The following ATRIP variants were observed in gnomAD, a reference collection of about 807,000 sequenced individuals.
ATRIP encodes ATR interacting protein, also known as ATR-interacting protein.
ATRIP carries 44 observed loss-of-function variants against 78.1 expected under a neutral mutation model. That is an observed-to-expected ratio of 0.56 (90% CI 0.44 to 0.72). The LOEUF (loss-of-function observed/expected upper bound fraction) is 0.72, where lower values mean the gene tolerates loss of function less well. Among genes scored for constraint, ATRIP ranks in the 30% least tolerant of loss-of-function variants. ATRIP has a pLI of 0.00. For synonymous variants in ATRIP, 388 were observed against 408.9 expected (o/e 0.95, Z 0.62); for missense variants, 927 against 980.2 (o/e 0.95, Z 0.72).
intron 4 of ATRIP, 60 bp from the exon 5 acceptor site, chr3:48,457,199 A>G: frequency 1.4e-6 from 2 of 1,396,112 alleles, no homozygotes. Context: ...TTTTGTAACC[A>G]GATATTTTGA....
chr3:48,452,761 T>C (rs1160324533), intron 3 of ATRIP, among the ~76,000 whole-genome samples: 1 of 152,170 alleles, frequency 6.6e-6, no homozygotes, highest in African/African-American at 2.4e-5. Flanking sequence ...TTGGTTTAAC[T>C]TGAGTCAGTT....
At chr3:48,450,002 G>C (rs1263183767) in intron 1 of ATRIP, 35 bp from the exon 2 acceptor site, 1 of 1,547,630 alleles carries the variant, frequency 6.5e-7, no homozygotes, top group Non-Finnish European at 8.7e-7. Context: ...GGAAAATATT[G>C]GGTCCTGAAA....
intron 6 of ATRIP, 161 bp downstream of exon 6, chr3:48,459,615 G>A: frequency 8.9e-7 from 1 of 1,128,598 alleles, no homozygotes; most frequent in Non-Finnish European, 1.3e-6. Context: ...AAAGTGGAAA[G>A]GGCCAAGGGC....
intron 4 of ATRIP, among the ~76,000 whole-genome samples, chr3:48,455,211 A>G (rs2039926673): frequency 6.6e-6 from 1 of 152,034 alleles, no homozygotes; most frequent in East Asian, 1.9e-4. Flanking sequence ...CTGGTTTTGA[A>G]CTTTCTACCG....
intron 5 of ATRIP, among the ~76,000 whole-genome samples, 188 bp from the exon 6 acceptor site, chr3:48,459,171 C>T (rs1283789334): frequency 6.6e-6 from 1 of 152,182 alleles, no homozygotes; most frequent in Non-Finnish European, 1.5e-5. Context: ...CTTTTCCTTT[C>T]CTTGTATGAG....
Position 48,457,382 on chromosome 3 carries a change from G to A in ATRIP, c.795G>A (p.Thr265=), listed in dbSNP as rs779664499. 1.5e-5 allele frequency: 24 copies of A among 1,596,142 alleles called. No homozygotes were observed. Among genetic ancestry groups the A allele is most frequent in the South Asian group, 6.9e-5 (6 of 87,524 alleles). ...ANMSLPHPCQ[T]ESGYKPLVGR... ...TGTCCCTTCCCCACCCCTGCCAGACGGAGTCAGGATACAAGCCTCTGGTGG... is the reference window on the plus strand; with the variant it reads ...TGTCCCTTCCCCACCCCTGCCAGACAGAGTCAGGATACAAGCCTCTGGTGG... Residue 265 remains threonine (T), a synonymous_variant, in exon 5 of 13, where the codon ACG becomes ACA. Transcript: ENST00000320211.
chr3:48,460,844 G>A, intron 8 of ATRIP, 45 bp downstream of exon 8: 16 of 1,521,954 alleles, frequency 1.1e-5, no homozygotes, highest in Non-Finnish European at 1.3e-5. Context: ...GGTCTCACCT[G>A]ACCTCTTAAG....
intron 9 of ATRIP, 71 bp downstream of exon 9, chr3:48,463,952 T>C (rs923263322): frequency 1.0e-4 from 161 of 1,607,358 alleles, no homozygotes; most frequent in Non-Finnish European, 1.2e-4. Flanking sequence ...GGGAACAGGG[T>C]CAAGGGCCTC....
At position 48,466,265 on chromosome 3, in the gene ATRIP, G is replaced by T. The variant is rs2040289439; in HGVS notation, c.*711G>T. ...ACTGCTGCCAGCGAGAGCCGCGGGA[G>T]AGTGTGCAGCCGAGTCACTACTGCC... On this transcript the variant is annotated 3_prime_UTR_variant, in exon 13 of 13. Transcript: ENST00000320211. The T allele has an allele frequency of 1.6e-6, 1 of 620,994 alleles. No individual in the cohort carries two copies. Among genetic ancestry groups the T allele is most frequent in the Admixed American group, 2.7e-5 (1 of 36,892 alleles). 38.5% of individuals were successfully genotyped at this position (620,994 alleles called of 1,614,324 possible). A position where few individuals can be genotyped will look rare whatever the true frequency, so the allele number is the denominator to read the frequency against.
rs199519507 is a variant in ATRIP, at chr3:48,466,660, G to T, written c.*1106G>T. 5 of 1,614,010 alleles carry T rather than the reference G, an allele frequency of 3.1e-6. No individual in the cohort carries two copies. The Admixed American group carries it at 8.3e-5, about 27-fold the overall frequency. On this transcript the variant is annotated 3_prime_UTR_variant, in exon 13 of 13. Transcript: ENST00000320211. ...GCAGCAGGTACGTACCCAACCATGG[G>T]CTCGCAGGCCCTGCCCCCGGGGCCC...
In ATRIP at chr3:48,466,877, G is replaced by A. The variant is rs749228322; in HGVS notation, c.*1323G>A. 1.2e-6 allele frequency: 2 copies of A among 1,613,098 alleles called. No individual in the cohort carries two copies. The highest frequency in any genetic ancestry group is 1.7e-6 in the Non-Finnish European group (2 of 1,180,034). On this transcript the variant is annotated 3_prime_UTR_variant, in exon 13 of 13. Transcript: ENST00000320211. ...AGCTCTCCCTGTGTGTGGCTCCGGGGAAGGCCTGCAGCCCTGCAGCCAGCG... is the reference window on the plus strand; with the variant it reads ...AGCTCTCCCTGTGTGTGGCTCCGGGAAAGGCCTGCAGCCCTGCAGCCAGCG...
At chr3:48,448,403 C>G (rs1017971137) in intron 1 of ATRIP, among the ~76,000 whole-genome samples, 5 of 152,236 alleles carry the variant, frequency 3.3e-5, no homozygotes, top group Admixed American at 1.3e-4. Context: ...TGGTCTCAAA[C>G]TGCTGACCTC....
intron 8 of ATRIP, 41 bp downstream of exon 8, chr3:48,460,840 A>G (rs1330979218): frequency 6.5e-7 from 1 of 1,532,378 alleles, no homozygotes; most frequent in Non-Finnish European, 8.9e-7. Flanking sequence ...TGTGGGTCTC[A>G]CCTGACCTCT....
chr3:48,465,830 G>C lies in ATRIP; in HGVS notation c.*276G>C. ...TGCCCTGCCTGTGGAATTGTCCTGA[G>C]TCATTGCTTTGGGCTGGGGCCATGG... On this transcript the variant is annotated 3_prime_UTR_variant, in exon 13 of 13. Coordinates refer to ENST00000320211, the MANE Select transcript of ATRIP (RefSeq NM_130384.3). 1 of 406,828 alleles carries C rather than the reference G, an allele frequency of 2.5e-6. No homozygotes were observed. Among genetic ancestry groups the C allele is most frequent in the South Asian group, 2.3e-5 (1 of 42,638 alleles). The allele number at this position is 406,828 out of a possible 1,614,324, so 25.2% of individuals were successfully genotyped here.
chr3:48,454,869 TC>T (rs2039916094), intron 4 of ATRIP, among the ~76,000 whole-genome samples: 1 of 108,556 alleles, frequency 9.2e-6, no homozygotes, highest in Admixed American at 1.2e-4. Context: ...GTTTTTTTTT[TC>T]TTTTTTTTTT....
chr3:48,449,897 C>T, intron 1 of ATRIP, 140 bp from the exon 2 acceptor site: 1 of 869,998 alleles, frequency 1.1e-6, no homozygotes, highest in East Asian at 2.6e-5. Flanking sequence ...GTGATCACAC[C>T]ACTGCACTCC....
In ATRIP at chr3:48,460,666, C is replaced by A. The variant is rs1413000508; in HGVS notation, c.1612C>A (p.Leu538Met). ...GVADDQGQHP[L>M]LKMLLHLLAF... Reference sequence around the variant, plus strand: ...TGCTGATGACCAAGGACAGCACCCACTGTTGAAGATGCTTCTTCACCTGTT... The same window carrying A: ...TGCTGATGACCAAGGACAGCACCCAATGTTGAAGATGCTTCTTCACCTGTT... The change falls in exon 8 of 13, where the codon CTG (leucine) becomes ATG (methionine). Residue 538 changes from leucine (L) to methionine (M), a missense_variant. By Grantham distance (15) the Leu-to-Met change is conservative (BLOSUM62 2). Coordinates refer to ENST00000320211, the MANE Select transcript of ATRIP (RefSeq NM_130384.3). 1.2e-6 allele frequency: 2 copies of A among 1,614,200 alleles called. No individual in the cohort carries two copies. The highest frequency in any genetic ancestry group is 2.2e-5 in the South Asian group (2 of 91,086).
At position 48,459,414 on chromosome 3, in the gene ATRIP, A is replaced by G. The variant is rs2040037833; in HGVS notation, c.885A>G (p.Lys295=). The change falls in exon 6 of 13, where the codon AAA becomes AAG. Residue 295 remains lysine, a synonymous_variant. Coordinates refer to ENST00000320211, the MANE Select transcript of ATRIP (RefSeq NM_130384.3). Reference sequence around the variant, plus strand: ...CCATAAAACAAGAAGAGGCCCAGAAAAGCTTTGTTGACAGCTGGAGACAGA... The same window carrying G: ...CCATAAAACAAGAAGAGGCCCAGAAGAGCTTTGTTGACAGCTGGAGACAGA... ...GDSIKQEEAQ[K]SFVDSWRQRS... is the part of the protein sequence containing the mutation. The G allele has an allele frequency of 1.2e-6, 2 of 1,613,986 alleles. No individual in the cohort carries two copies. The highest frequency in any genetic ancestry group is 1.3e-5 in the African/African-American group (1 of 74,942).
In ATRIP at chr3:48,463,800, C is replaced by G. The variant is rs748604429; in HGVS notation, c.1801C>G (p.Pro601Ala). Residue 601 changes from proline to alanine, a missense_variant, in exon 9 of 13, where the codon CCT (proline) becomes GCT (alanine). Coordinates refer to ENST00000320211, the MANE Select transcript of ATRIP (RefSeq NM_130384.3). Reference sequence around the variant, plus strand: ...GTGCCTCAGCCCAGAGACACCCCTGCCTAGCGTGCTGCTGGCTGTTGAGCT... The same window carrying G: ...GTGCCTCAGCCCAGAGACACCCCTGGCTAGCGTGCTGCTGGCTGTTGAGCT... ...PKCLSPETPL[P>A]SVLLAVELLS... 1 of 1,614,196 alleles carries G rather than the reference C, an allele frequency of 6.2e-7. No individual in the cohort carries two copies. The highest frequency in any genetic ancestry group is 8.5e-7 in the Non-Finnish European group (1 of 1,180,034).
Sources: allele counts gnomAD v4.1 joint callset (sites outside exome capture counted in the v4.1 genomes callset), GRCh38; gene constraint gnomAD v4.1.1; transcripts MANE v1.5; gene names NCBI Gene and HGNC (gene_info 2026-07-23, HGNC 2026-07-21).